Variants in C3orf33 observed in about 807,000 individuals in gnomAD.
C3orf33 encodes the protein mitochondrial inner membrane subdomain organizer 1.
Under a neutral mutation model 28.7 loss-of-function variants are expected in C3orf33, and 23 were observed. The ratio of observed to expected loss-of-function variants is 0.80; its 90% CI spans 0.58 to 1.13. The LOEUF is 1.13. Ranked by LOEUF, C3orf33 falls within the 50% of genes most tolerant of loss-of-function variation. The pLI, the probability that C3orf33 is intolerant of heterozygous loss-of-function variation, is 0.00. For missense variants in C3orf33, 327 were observed against 353.4 expected (o/e 0.93, Z 0.60); for synonymous variants, 119 against 120.5 (o/e 0.99, Z 0.08).
intron 2 of C3orf33, among the ~76,000 whole-genome samples, chr3:155,795,242 G>T (rs544361875): frequency 1.3e-5 from 2 of 152,306 alleles, no homozygotes; most frequent in South Asian, 4.1e-4. Flanking sequence ...GACCACCTGA[G>T]TTCGGGAATT....
intron 2 of C3orf33, among the ~76,000 whole-genome samples, chr3:155,797,967 A>T (rs988058278): frequency 6.6e-6 from 1 of 151,246 alleles, no homozygotes; most frequent in African/African-American, 2.4e-5. Flanking sequence ...GCTACTTGGG[A>T]GGCTGAGGCA....
chr3:155,786,157 AAAG>A (rs1449422249), intron 2 of C3orf33, among the ~76,000 whole-genome samples: 3 of 152,200 alleles, frequency 2.0e-5, no homozygotes, highest in East Asian at 1.9e-4. Context: ...AAGGGAAAGA[AAAG>A]AAGAAGGAAA....
At chr3:155,792,011 T>C (rs1190656100) in intron 2 of C3orf33, among the ~76,000 whole-genome samples, 3 of 152,012 alleles carry the variant, frequency 2.0e-5, no homozygotes, top group Admixed American at 2.0e-4. Flanking sequence ...GCGGTTACCA[T>C]GGGCCCTGGG....
intron 2 of C3orf33, among the ~76,000 whole-genome samples, chr3:155,798,056 G>A (rs1249867996): frequency 6.9e-6 from 1 of 145,674 alleles, no homozygotes; most frequent in African/African-American, 2.5e-5. Context: ...GAGTGACAGG[G>A]CAAGTGTCTG....
intron 2 of C3orf33, among the ~76,000 whole-genome samples, chr3:155,792,875 T>C (rs1751356978): frequency 6.6e-6 from 1 of 151,998 alleles, no homozygotes; most frequent in Non-Finnish European, 1.5e-5. Flanking sequence ...TTATTGGCCT[T>C]GAAAAAGAGG....
chr3:155,780,173 C>T (rs773887426), intron 2 of C3orf33, among the ~76,000 whole-genome samples: 8 of 152,156 alleles, frequency 5.3e-5, no homozygotes, highest in Non-Finnish European at 7.3e-5. Flanking sequence ...AAGTAAATCC[C>T]GAGCTTGTGA....
At chr3:155,780,778 C>T (rs377079162) in intron 2 of C3orf33, among the ~76,000 whole-genome samples, 1 of 152,146 alleles carries the variant, frequency 6.6e-6, no homozygotes. Context: ...AAACAAAATT[C>T]TGCTGAAGGC....
chr3:155,767,201 G>T (rs562484176), intron 4 of C3orf33, among the ~76,000 whole-genome samples: 2 of 146,404 alleles, frequency 1.4e-5, no homozygotes, highest in Non-Finnish European at 3.0e-5. Flanking sequence ...TGCAGTGGCC[G>T]AGATCGTGCC....
In C3orf33 at chr3:155,763,481, C is replaced by A; in HGVS notation, c.*36G>T. On this transcript the variant is annotated 3_prime_UTR_variant, in exon 5 of 5. Coordinates refer to ENST00000340171, the MANE Select transcript of C3orf33 (RefSeq NM_001308229.2). ...CGTCCATATATTTACATATTTCACT[C>A]TTTGGAGAAGGTTACCTCTAGATTT... 7.0e-7 allele frequency: 1 copy of A among 1,422,904 alleles called. No homozygotes were observed. The highest frequency in any genetic ancestry group is 9.2e-7 in the Non-Finnish European group (1 of 1,086,660). The allele number at this position is 1,422,904 out of a possible 1,614,324, so 88.1% of individuals were successfully genotyped here. A position where few individuals can be genotyped will look rare whatever the true frequency, so the allele number is the denominator to read the frequency against.
chr3:155,781,781 A>T (rs1291099292), intron 2 of C3orf33, among the ~76,000 whole-genome samples: 1 of 149,532 alleles, frequency 6.7e-6, no homozygotes, highest in Admixed American at 6.7e-5. Context: ...AAAAAAAAAA[A>T]AAAAAAAAAT....
intron 2 of C3orf33, among the ~76,000 whole-genome samples, chr3:155,784,318 G>A (rs956094983): frequency 1.3e-5 from 2 of 152,146 alleles, no homozygotes; most frequent in African/African-American, 4.8e-5. Flanking sequence ...TGTTCAAAAG[G>A]AGTAGTTTTT....
intron 2 of C3orf33, among the ~76,000 whole-genome samples, chr3:155,778,935 G>A (rs1441949875): frequency 2.6e-5 from 4 of 152,136 alleles, no homozygotes; most frequent in Non-Finnish European, 5.9e-5. Flanking sequence ...ATGACTGCTG[G>A]AAGTCAGGAT....
chr3:155,785,149 T>G (rs1175916558), intron 2 of C3orf33, among the ~76,000 whole-genome samples: 1 of 151,848 alleles, frequency 6.6e-6, no homozygotes, highest in African/African-American at 2.4e-5. Flanking sequence ...TATATATTAA[T>G]AAAATATTCA....
At chr3:155,777,190 T>C (rs1310092746) in intron 2 of C3orf33, among the ~76,000 whole-genome samples, 1 of 151,954 alleles carries the variant, frequency 6.6e-6, no homozygotes, top group Non-Finnish European at 1.5e-5. Context: ...GGTGCATGCC[T>C]GTAATCCCAG....
intron 3 of C3orf33, among the ~76,000 whole-genome samples, chr3:155,768,302 T>TA (rs1320731836): frequency 6.6e-6 from 1 of 152,238 alleles, no homozygotes; most frequent in Non-Finnish European, 1.5e-5. Context: ...GCCTTCAGTT[T>TA]AATAATATGG....
chr3:155,764,241 A>T (rs1434270054), intron 4 of C3orf33, among the ~76,000 whole-genome samples: 1 of 152,184 alleles, frequency 6.6e-6, no homozygotes, highest in Non-Finnish European at 1.5e-5. Context: ...GTGGAGGGGA[A>T]GTGGGACACC....
Position 155,795,937 on chromosome 3 carries a change from C to A in C3orf33, c.174+6595G>T, listed in dbSNP as rs1016681769. Among the ~76,000 whole-genome samples, 5 of 151,862 alleles carry A rather than the reference C, an allele frequency of 3.3e-5. No individual in the cohort carries two copies. In the South Asian group the frequency reaches 1.0e-3, roughly 32 times the overall value. ...TGCCACTGCACTCCAGCCTGGGCAA[C>A]AAAGCAAGACTCCATCTAAAAAAAT... is the stretch of plus-strand genomic sequence containing the variant. On this transcript the variant is annotated intron_variant, in intron 2 of 4. Transcript: ENST00000340171.
chr3:155,801,833 C>T (rs1448518739), intron 2 of C3orf33, among the ~76,000 whole-genome samples: 2 of 152,188 alleles, frequency 1.3e-5, no homozygotes, highest in Non-Finnish European at 2.9e-5. Context: ...TCACTGCAAC[C>T]TCTGCCTCCC....
chr3:155,785,274 C>T (rs1694470383), intron 2 of C3orf33, among the ~76,000 whole-genome samples: 2 of 151,766 alleles, frequency 1.3e-5, no homozygotes, highest in Admixed American at 1.3e-4. Flanking sequence ...GAGACAACAC[C>T]CCACTCTCAT....
Sources: gnomAD v4.1 joint callset for allele counts (sites outside exome capture counted in the v4.1 genomes callset) on GRCh38, gnomAD v4.1.1 for gene constraint, MANE v1.5 for transcripts, NCBI Gene and HGNC (gene_info 2026-07-23, HGNC 2026-07-21) for gene names.